The following ROCK2 variants were observed in gnomAD, a reference collection of about 807,000 sequenced individuals.
The protein encoded by ROCK2 is rho-associated protein kinase 2.
In ROCK2, 61 loss-of-function variants were observed where a neutral mutation model predicts 195.1. The observed-to-expected ratio is 0.31, with a 90% CI of 0.25 to 0.39. The LOEUF (loss-of-function observed/expected upper bound fraction) is 0.39. ROCK2 is among the 10% of genes least tolerant of loss of function. ROCK2 has a pLI of 1.00. For synonymous variants in ROCK2, 504 were observed against 545.5 expected (o/e 0.92, Z 1.06); for missense variants, 1,109 against 1,637.4 (o/e 0.68, Z 5.57).
At chr2:11,247,135 T>C (rs116450097) in intron 4 of ROCK2, among the ~76,000 whole-genome samples, 1 of 151,956 alleles carries the variant, frequency 6.6e-6, no homozygotes, top group Non-Finnish European at 1.5e-5. Flanking sequence ...GATTGATTTA[T>C]AGGAAGCTTT....
intron 3 of ROCK2, among the ~76,000 whole-genome samples, chr2:11,258,041 T>C (rs1666096660): frequency 6.6e-6 from 1 of 151,332 alleles, no homozygotes; most frequent in Non-Finnish European, 1.5e-5. Context: ...TAAAATCTGT[T>C]TAAGGAGGAA....
At chr2:11,190,695 A>G (rs1663391848) in intron 32 of ROCK2, among the ~76,000 whole-genome samples, 1 of 152,212 alleles carries the variant, frequency 6.6e-6, no homozygotes, top group East Asian at 1.9e-4. Flanking sequence ...ACTATTTTAA[A>G]GAGCAAATGA....
At chr2:11,218,491 C>CATT in intron 10 of ROCK2, 25 bp from the exon 11 acceptor site, 1 of 1,444,360 alleles carries the variant, frequency 6.9e-7, no homozygotes, top group East Asian at 2.3e-5. Flanking sequence ...ACAGAAAACA[C>CATT]ATTAAAATAC....
In ROCK2 at chr2:11,235,041, G is replaced by A. The variant is rs1434925112; in HGVS notation, c.723+661C>T. 6.6e-6 allele frequency among the ~76,000 whole-genome samples: 1 copy of A among 152,086 alleles called. No homozygotes were observed. The highest frequency in any genetic ancestry group is 2.4e-5 in the African/African-American group (1 of 41,412). ...TAAGTCGACTCCTAGGACCAACAGG[G>A]TAATACAAAGGAAACAGAACCGATC... On this transcript the variant is annotated intron_variant, in intron 5 of 32. Transcript: ENST00000315872. The surrounding 1 kb of genome is among the most constrained non-coding windows in gnomAD (Gnocchi z 4.2).
At position 11,181,876 on chromosome 2, in the gene ROCK2, GC is replaced by G. The variant is rs1238935996; in HGVS notation, c.*1560del. ...TTGAACTCCTCACCTCAGGTGATCC[GC>G]CCGTCTTGGCCTCCCAAAGTGCTAG... On this transcript the variant is annotated 3_prime_UTR_variant, in exon 33 of 33. Transcript: ENST00000315872. 2 of 151,744 alleles carry G rather than the reference GC, an allele frequency of 1.3e-5. No homozygotes were observed. Among genetic ancestry groups the G allele is most frequent in the African/African-American group, 4.8e-5 (2 of 41,304 alleles). The allele number at this position is 151,744 out of a possible 1,614,324, so 9.4% of individuals were successfully genotyped here.
intron 1 of ROCK2, among the ~76,000 whole-genome samples, chr2:11,321,277 G>A (rs1159192702): frequency 2.0e-5 from 3 of 152,090 alleles, no homozygotes; most frequent in African/African-American, 2.4e-5. Flanking sequence ...CAACGTTCAA[G>A]CGATTTTCGT....
intron 32 of ROCK2, among the ~76,000 whole-genome samples, chr2:11,189,447 G>A (rs1663330548): frequency 6.6e-6 from 1 of 152,112 alleles, no homozygotes; most frequent in East Asian, 1.9e-4. Flanking sequence ...GCTACTCAAT[G>A]AGATTTACAA....
intron 3 of ROCK2, among the ~76,000 whole-genome samples, chr2:11,263,041 C>T (rs1037167871): frequency 6.6e-6 from 1 of 152,058 alleles, no homozygotes; most frequent in Non-Finnish European, 1.5e-5. Flanking sequence ...ACAGAAATTA[C>T]AAAAACATGT....
intron 1 of ROCK2, among the ~76,000 whole-genome samples, chr2:11,327,579 C>G (rs1668587357): frequency 6.6e-6 from 1 of 152,080 alleles, no homozygotes; most frequent in Non-Finnish European, 1.5e-5. Context: ...AAGAAAGAGG[C>G]AGAGGGGGAG....
At chr2:11,337,108 G>A (rs1375815763) in intron 1 of ROCK2, among the ~76,000 whole-genome samples, 1 of 152,062 alleles carries the variant, frequency 6.6e-6, no homozygotes. Context: ...AGCCGGGTGT[G>A]GTGGTGCATG....
At chr2:11,334,510 C>CAA (rs34182610) in intron 1 of ROCK2, among the ~76,000 whole-genome samples, 3,030 of 88,380 alleles carry the variant, frequency 0.034, 113 homozygotes, top group Non-Finnish European at 0.045. Context: ...GACTCTGTCT[C>CAA]AAAAAAAAAA....
At chr2:11,226,911 A>AG (rs1491453244) in intron 6 of ROCK2, among the ~76,000 whole-genome samples, 887 of 38,108 alleles carry the variant, frequency 0.023, 10 homozygotes, top group African/African-American at 0.044. Flanking sequence ...ACCCTGCCTC[A>AG]GAAAAAAAAA....
At chr2:11,293,967 G>A (rs1214751993) in intron 1 of ROCK2, among the ~76,000 whole-genome samples, 1 of 152,096 alleles carries the variant, frequency 6.6e-6, no homozygotes. Context: ...GACCATCCTG[G>A]CTAACACAGT....
chr2:11,258,955 G>C (rs1297156299), intron 3 of ROCK2, among the ~76,000 whole-genome samples: 1 of 151,096 alleles, frequency 6.6e-6, no homozygotes, highest in Non-Finnish European at 1.5e-5. Flanking sequence ...AGTATGAAGA[G>C]TCAAATATAG....
chr2:11,273,786 A>G (rs1161761687), intron 3 of ROCK2, among the ~76,000 whole-genome samples: 2 of 152,142 alleles, frequency 1.3e-5, no homozygotes, highest in Non-Finnish European at 2.9e-5. Flanking sequence ...ATATTTTCCA[A>G]CCACAATGGG....
At chr2:11,342,305 AAATG>A (rs1285415041) in intron 1 of ROCK2, among the ~76,000 whole-genome samples, 1 of 152,204 alleles carries the variant, frequency 6.6e-6, no homozygotes, top group Non-Finnish European at 1.5e-5. Context: ...AATAACTGCT[AAATG>A]AATGAACTGT....
At chr2:11,272,006 C>T (rs185336055) in intron 3 of ROCK2, among the ~76,000 whole-genome samples, 6,164 of 137,006 alleles carry the variant, frequency 0.045, 257 homozygotes, top group Non-Finnish European at 0.062. Context: ...GGAGACAGAA[C>T]GAGACTCCAT....
chr2:11,323,033 T>A (rs1668446990), intron 1 of ROCK2, among the ~76,000 whole-genome samples: 1 of 139,772 alleles, frequency 7.2e-6, no homozygotes, highest in South Asian at 2.1e-4. Flanking sequence ...CCTAAGGGGA[T>A]TTTTTAGGGT....
chr2:11,295,998 A>AGGG (rs1558369735), intron 1 of ROCK2, among the ~76,000 whole-genome samples: 8 of 24,426 alleles, frequency 3.3e-4, no homozygotes, highest in Admixed American at 4.3e-4. Context: ...GAGGAGAGAG[A>AGGG]GAGAGAGGAG....
Sources: allele counts gnomAD v4.1 joint callset (sites outside exome capture counted in the v4.1 genomes callset), GRCh38; gene constraint gnomAD v4.1.1; non-coding constraint Gnocchi (gnomAD v3.1); transcripts MANE v1.5; gene names NCBI Gene and HGNC (gene_info 2026-07-23, HGNC 2026-07-21).